Variants in DPP10 observed in about 807,000 individuals in gnomAD.
DPP10 encodes the protein dipeptidyl peptidase like 10, also known as inactive dipeptidyl peptidase 10.
In DPP10, 33 loss-of-function variants were observed where a neutral mutation model predicts 120.9. The ratio of observed to expected loss-of-function variants is 0.27; its 90% CI spans 0.21 to 0.37. The LOEUF is 0.37. DPP10 is among the 10% of genes least tolerant of loss of function. DPP10 has a pLI of 1.00. For synonymous variants in DPP10, 337 were observed against 326.1 expected (o/e 1.03, Z -0.36); for missense variants, 816 against 942.8 (o/e 0.87, Z 1.76).
intron 1 of DPP10, among the ~76,000 whole-genome samples, chr2:114,496,384 C>A (rs1682520179): frequency 6.6e-6 from 1 of 152,120 alleles, no homozygotes; most frequent in Admixed American, 6.6e-5. Context: ...ATACCTTAGA[C>A]TGGGTATCTT....
At chr2:115,458,493 A>G (rs1032883817) in intron 3 of DPP10, among the ~76,000 whole-genome samples, 5 of 152,158 alleles carry the variant, frequency 3.3e-5, no homozygotes, top group East Asian at 3.9e-4. Context: ...AAAACCTTCA[A>G]CTGCTTTCTG....
chr2:115,479,906 C>T (rs951983809), intron 3 of DPP10, among the ~76,000 whole-genome samples: 1 of 152,112 alleles, frequency 6.6e-6, no homozygotes, highest in Non-Finnish European at 1.5e-5. Flanking sequence ...GTGGCATGCA[C>T]CTTGCAGGGG....
chr2:115,343,297 T>A (rs1263712946), intron 2 of DPP10, among the ~76,000 whole-genome samples: 1 of 152,206 alleles, frequency 6.6e-6, no homozygotes, highest in East Asian at 1.9e-4. Flanking sequence ...AAATCTACTT[T>A]GTATTTGTTG....
At chr2:115,790,740 C>A (rs1452962896) in intron 17 of DPP10, among the ~76,000 whole-genome samples, 1 of 152,016 alleles carries the variant, frequency 6.6e-6, no homozygotes, top group East Asian at 1.9e-4. Flanking sequence ...TTTCTGTATC[C>A]CTTTTAATTG....
At chr2:115,301,468 CTTTT>C (rs5833587) in intron 1 of DPP10, among the ~76,000 whole-genome samples, 26 of 135,916 alleles carry the variant, frequency 1.9e-4, no homozygotes, top group Non-Finnish European at 1.6e-4. Context: ...AAGTGGGCTA[CTTTT>C]TTTTTTTTTT....
intron 1 of DPP10, among the ~76,000 whole-genome samples, chr2:114,593,049 T>C (rs1991590): frequency 0.1 from 15,679 of 152,216 alleles, 844 homozygotes; most frequent in East Asian, 0.23. Flanking sequence ...AAAATGCTTT[T>C]TCTCTCATGT....
At chr2:114,699,419 T>A (rs899686925) in intron 1 of DPP10, among the ~76,000 whole-genome samples, 1 of 152,130 alleles carries the variant, frequency 6.6e-6, no homozygotes, top group Non-Finnish European at 1.5e-5. Context: ...ACTTGAACGA[T>A]ATCGCTCCAC....
At chr2:115,527,830 A>G (rs1009412152) in intron 5 of DPP10, among the ~76,000 whole-genome samples, 5 of 152,150 alleles carry the variant, frequency 3.3e-5, no homozygotes, top group Admixed American at 1.3e-4. Flanking sequence ...CGAATCTATC[A>G]GAATGGTTAA....
At chr2:115,806,267 G>A (rs1353084580) in intron 19 of DPP10, among the ~76,000 whole-genome samples, 2 of 152,044 alleles carry the variant, frequency 1.3e-5, no homozygotes, top group Non-Finnish European at 2.9e-5. Context: ...ATATTTTGTT[G>A]AGGTCAACTT....
At chr2:115,508,199 A>G (rs1004601490) in intron 4 of DPP10, among the ~76,000 whole-genome samples, 2 of 152,176 alleles carry the variant, frequency 1.3e-5, no homozygotes, top group East Asian at 1.9e-4. Context: ...TTTATAATAA[A>G]TAGAACATAG....
intron 4 of DPP10, among the ~76,000 whole-genome samples, chr2:115,510,019 T>A (rs2077142989): frequency 6.6e-6 from 1 of 152,206 alleles, no homozygotes. Flanking sequence ...GAGAAATGTC[T>A]GTTCAAATTC....
chr2:114,455,268 G>C (rs1678504309), intron 1 of DPP10, among the ~76,000 whole-genome samples: 1 of 151,924 alleles, frequency 6.6e-6, no homozygotes, highest in African/African-American at 2.4e-5. Context: ...ATACAGGCCA[G>C]GTCCAATGGC....
At chr2:114,810,850 A>C (rs1035897706) in intron 1 of DPP10, among the ~76,000 whole-genome samples, 25 of 152,186 alleles carry the variant, frequency 1.6e-4, no homozygotes, top group African/African-American at 6.0e-4. Context: ...TTATGCACAT[A>C]ATTGATCTAA....
At chr2:115,506,965 A>G (rs1025811867) in intron 4 of DPP10, among the ~76,000 whole-genome samples, 14 of 151,930 alleles carry the variant, frequency 9.2e-5, no homozygotes, top group Non-Finnish European at 1.5e-4. Context: ...AATGTTTTCA[A>G]TTATTGTTGA....
intron 1 of DPP10, among the ~76,000 whole-genome samples, chr2:114,466,019 A>G (rs796692048): frequency 3.3e-5 from 5 of 152,266 alleles, no homozygotes; most frequent in African/African-American, 1.2e-4. Flanking sequence ...CTCTGGAATC[A>G]CTATTCCACT....
At chr2:114,874,844 G>A (rs943409688) in intron 1 of DPP10, among the ~76,000 whole-genome samples, 3 of 152,080 alleles carry the variant, frequency 2.0e-5, no homozygotes, top group East Asian at 1.9e-4. Context: ...TAAAGCTTGT[G>A]AATAGAGGAG....
intron 5 of DPP10, among the ~76,000 whole-genome samples, chr2:115,590,341 C>T (rs1033486757): frequency 1.8e-3 from 270 of 152,074 alleles, no homozygotes; most frequent in Non-Finnish European, 2.9e-3. Context: ...CGACAGGCTC[C>T]AGTGTTTGAT....
intron 12 of DPP10, among the ~76,000 whole-genome samples, chr2:115,765,231 C>T (rs927548756): frequency 8.6e-5 from 13 of 151,710 alleles, no homozygotes; most frequent in South Asian, 6.3e-4. Flanking sequence ...GGGGAGGAGG[C>T]AATGTAAATG....
At position 114,566,673 on chromosome 2, in the gene DPP10, A is replaced by G. The variant is rs566673632; in HGVS notation, c.60+123835A>G. The stretch of plus-strand genomic sequence containing the variant: ...GTGTACCAGGTAGCAGTTGAAAGGC[A>G]GTTGGCAAATACTTGTTAGGCCACC... On this transcript the variant is annotated intron_variant, in intron 1 of 25. Coordinates refer to ENST00000410059, the MANE Select transcript of DPP10 (RefSeq NM_020868.6). 2.0e-5 allele frequency among the ~76,000 whole-genome samples: 3 copies of G among 152,314 alleles called. No individual in the cohort carries two copies. The South Asian group carries it at 6.2e-4, about 32-fold the overall frequency.
Sources: allele counts gnomAD v4.1 joint callset (sites outside exome capture counted in the v4.1 genomes callset), GRCh38; gene constraint gnomAD v4.1.1; transcripts MANE v1.5; gene names NCBI Gene and HGNC (gene_info 2026-07-23, HGNC 2026-07-21).